Variants in PTPRD observed in about 807,000 individuals in gnomAD.
PTPRD encodes receptor-type tyrosine-protein phosphatase delta.
A neutral mutation model predicts 214.5 loss-of-function variants in PTPRD; 34 were observed. That is an observed-to-expected ratio of 0.16 (90% CI 0.12 to 0.21). PTPRD has a LOEUF of 0.21. Among genes scored for constraint, PTPRD ranks in the 10% least tolerant of loss-of-function variants. The pLI, the probability that PTPRD is intolerant of heterozygous loss-of-function variation, is 1.00. For missense variants in PTPRD, 2,545 were observed against 2,398.7 expected, an observed-to-expected ratio of 1.06 and a Z score of -1.27; for synonymous variants, 1,128 against 845.7, an observed-to-expected ratio of 1.33 and a Z score of -5.79.
chr9:10,492,508 CT>C (rs563707277), intron 2 of PTPRD, among the ~76,000 whole-genome samples: 9 of 152,152 alleles, frequency 5.9e-5, no homozygotes, highest in African/African-American at 2.2e-4. Flanking sequence ...ACATAAATGT[CT>C]TTTTTTGAGA....
At chr9:9,706,444 C>CT (rs111909243) in intron 7 of PTPRD, among the ~76,000 whole-genome samples, 103 of 144,952 alleles carry the variant, frequency 7.1e-4, no homozygotes, top group South Asian at 1.5e-3. Flanking sequence ...TTTGCTAACT[C>CT]TTTTTTTTTT....
intron 10 of PTPRD, among the ~76,000 whole-genome samples, chr9:9,114,207 G>C (rs2099809934): frequency 2.6e-5 from 4 of 152,140 alleles, no homozygotes; most frequent in Admixed American, 2.6e-4. Context: ...CAATTACTCA[G>C]GTTTCTACAG....
chr9:10,407,390 G>T (rs904113164), intron 2 of PTPRD, among the ~76,000 whole-genome samples: 1 of 151,376 alleles, frequency 6.6e-6, no homozygotes, highest in African/African-American at 2.4e-5. Flanking sequence ...TAATTCTTAT[G>T]TTGAGTTTCA....
intron 8 of PTPRD, among the ~76,000 whole-genome samples, chr9:9,473,806 G>C (rs891971035): frequency 9.2e-6 from 1 of 108,780 alleles, no homozygotes; most frequent in African/African-American, 3.3e-5. Context: ...CTTTTTGTCC[G>C]TTTTAAAATC....
chr9:9,097,982 G>T (rs1461863633), intron 10 of PTPRD, among the ~76,000 whole-genome samples: 1 of 152,068 alleles, frequency 6.6e-6, no homozygotes, highest in Non-Finnish European at 1.5e-5. Flanking sequence ...CTGGAATTGG[G>T]ATGTGATAAC....
chr9:8,922,996 C>T (rs866103833), intron 11 of PTPRD, among the ~76,000 whole-genome samples: 3 of 149,788 alleles, frequency 2.0e-5, no homozygotes, highest in Non-Finnish European at 4.4e-5. Context: ...TCTCTCGTTT[C>T]TTTTTCTCTT....
At chr9:10,017,021 G>A (rs1289774488) in intron 4 of PTPRD, among the ~76,000 whole-genome samples, 1 of 152,116 alleles carries the variant, frequency 6.6e-6, no homozygotes, top group Non-Finnish European at 1.5e-5. Flanking sequence ...TGTCACGGTT[G>A]AAACACCTTT....
chr9:9,817,487 C>G (rs1011458093), intron 5 of PTPRD, among the ~76,000 whole-genome samples: 2 of 152,082 alleles, frequency 1.3e-5, no homozygotes, highest in Non-Finnish European at 2.9e-5. Context: ...AAAATTGCTT[C>G]AAATATGTCT....
At chr9:9,606,977 A>C (rs2094201166) in intron 7 of PTPRD, among the ~76,000 whole-genome samples, 1 of 136,348 alleles carries the variant, frequency 7.3e-6, no homozygotes, top group African/African-American at 3.0e-5. Flanking sequence ...AAAAAAAAAA[A>C]AAAAAAAAAA....
At chr9:8,320,665 G>T (rs560932812) in intron 44 of PTPRD, among the ~76,000 whole-genome samples, 2 of 152,080 alleles carry the variant, frequency 1.3e-5, no homozygotes, top group African/African-American at 4.8e-5. Context: ...AAAAAAAAAT[G>T]GTTAAGAGCC....
intron 2 of PTPRD, among the ~76,000 whole-genome samples, chr9:10,550,720 A>G (rs1429386915): frequency 6.6e-6 from 1 of 152,190 alleles, no homozygotes. Context: ...ATACCCCATG[A>G]TATGTGCTTC....
chr9:9,180,058 C>T (rs183203194), intron 10 of PTPRD, among the ~76,000 whole-genome samples: 35 of 152,020 alleles, frequency 2.3e-4, no homozygotes, highest in African/African-American at 7.2e-4. Flanking sequence ...ACATAAGTAC[C>T]GATTGCGCCA....
intron 8 of PTPRD, among the ~76,000 whole-genome samples, chr9:9,428,257 C>A (rs1398937966): frequency 6.6e-6 from 1 of 151,984 alleles, no homozygotes; most frequent in Non-Finnish European, 1.5e-5. Context: ...GCAGGGATTG[C>A]AATCCTAATC....
intron 7 of PTPRD, among the ~76,000 whole-genome samples, chr9:9,660,686 TCA>T (rs1379353538): frequency 1.3e-5 from 2 of 151,986 alleles, no homozygotes; most frequent in African/African-American, 2.4e-5. Flanking sequence ...TTGAAGAAAC[TCA>T]CAGTTCTTGT....
At chr9:10,125,425 TATTA>T (rs1451797852) in intron 3 of PTPRD, among the ~76,000 whole-genome samples, 12 of 58,282 alleles carry the variant, frequency 2.1e-4, no homozygotes, top group African/African-American at 9.4e-4. Flanking sequence ...TGTTTTATTT[TATTA>T]TTATTATTAT....
chr9:8,485,696 A>C, intron 28 of PTPRD, 66 bp downstream of exon 28: 9 of 1,389,418 alleles, frequency 6.5e-6, no homozygotes, highest in South Asian at 1.4e-5. Flanking sequence ...TTATAGCTTC[A>C]AAATACTGAT....
At chr9:8,702,854 G>A (rs1597414659) in intron 12 of PTPRD, among the ~76,000 whole-genome samples, 2 of 152,280 alleles carry the variant, frequency 1.3e-5, no homozygotes, top group South Asian at 2.1e-4. Context: ...TGATTCGCCC[G>A]CCTCGGCCTC....
chr9:8,956,685 C>G (rs1011828703), intron 11 of PTPRD, among the ~76,000 whole-genome samples: 1 of 151,794 alleles, frequency 6.6e-6, no homozygotes, highest in Non-Finnish European at 1.5e-5. Flanking sequence ...CTGAACTCCA[C>G]CAACCACGAC....
chr9:9,774,974 A>C (rs2098784950), intron 5 of PTPRD, among the ~76,000 whole-genome samples: 1 of 152,238 alleles, frequency 6.6e-6, no homozygotes. Context: ...CTCTGACATT[A>C]TGCTGGGTTG....
Sources: gnomAD v4.1 joint callset for allele counts (sites outside exome capture counted in the v4.1 genomes callset) on GRCh38, gnomAD v4.1.1 for gene constraint, MANE v1.5 for transcripts, NCBI Gene and HGNC (gene_info 2026-07-23, HGNC 2026-07-21) for gene names.